Variants in CLUAP1 observed in about 807,000 individuals in gnomAD.
CLUAP1 encodes intraflagellar transport 38, also known as clusterin-associated protein 1.
A neutral mutation model predicts 55.0 loss-of-function variants in CLUAP1; 50 were observed. The observed-to-expected ratio is 0.91, with a 90% CI of 0.72 to 1.15. CLUAP1 has a LOEUF of 1.15. CLUAP1 is among the 50% of genes most tolerant of loss of function. The pLI is 0.00. For missense variants in CLUAP1, 530 were observed against 507.6 expected (o/e 1.04, Z -0.42); for synonymous variants, 195 against 175.4 (o/e 1.11, Z -0.88).
At chr16:3,524,955 C>G (rs11649157) in intron 8 of CLUAP1, among the ~76,000 whole-genome samples, 1 of 152,220 alleles carries the variant, frequency 6.6e-6, no homozygotes, top group African/African-American at 2.4e-5. Flanking sequence ...GTCTCCCTTT[C>G]TCATGCCCTT....
intron 1 of CLUAP1, 38 bp from the exon 2 acceptor site, chr16:3,504,682 G>C (rs1427412187): frequency 8.8e-7 from 1 of 1,136,198 alleles, no homozygotes; most frequent in African/African-American, 1.5e-5. Flanking sequence ...GTTGCTGTGT[G>C]ATGGGGAACT....
chr16:3,531,939 G>C (rs959672790), intron 10 of CLUAP1, among the ~76,000 whole-genome samples: 2 of 151,934 alleles, frequency 1.3e-5, no homozygotes, highest in Non-Finnish European at 2.9e-5. Context: ...CTGCTTCCCG[G>C]AGGGAGCAAT....
At chr16:3,532,223 CCT>C (rs1399956494) in intron 10 of CLUAP1, among the ~76,000 whole-genome samples, 1 of 152,094 alleles carries the variant, frequency 6.6e-6, no homozygotes. Flanking sequence ...TGATATTTCC[CCT>C]CTTTTCCTTG....
At position 3,508,425 on chromosome 16, in the gene CLUAP1, T is replaced by G. The variant is rs200792429; in HGVS notation, c.356T>G (p.Val119Gly). Reference protein sequence around the residue: ...KTKGMEGSEIVEEDVNKFKFD... With the variant: ...KTKGMEGSEIGEEDVNKFKFD... ...AAGGGGATGGAGGGCTCTGAAATAG[T>G]AGAGGAAGATGTCAACAAGTTCAAG... Residue 119 changes from valine to glycine, a missense_variant, in exon 4 of 12, where the codon GTA becomes GGA. Transcript: ENST00000576634. 9.3e-5 allele frequency: 148 copies of G among 1,588,036 alleles called. No homozygotes were observed. In the East Asian group the frequency reaches 3.3e-3, roughly 36 times the overall value.
Position 3,537,394 on chromosome 16 carries a change from AGT to A in CLUAP1, c.*1125_*1126del, listed in dbSNP as rs897592137. ...TTAATATGAAAAGTACTTAGCTGGGAGTGGTGGCAAGCGCCCTTGGGTCCAGC... is the reference window on the plus strand; with the variant it reads ...TTAATATGAAAAGTACTTAGCTGGGAGGTGGCAAGCGCCCTTGGGTCCAGC... On this transcript the variant is annotated 3_prime_UTR_variant, in exon 12 of 12. Transcript: ENST00000576634. 3.3e-5 allele frequency: 5 copies of A among 150,856 alleles called. No homozygotes were observed. Among genetic ancestry groups the A allele is most frequent in the Non-Finnish European group, 5.9e-5 (4 of 67,792 alleles). The allele number at this position is 150,856 out of a possible 1,614,324, so 9.3% of individuals were successfully genotyped here.
At chr16:3,512,840 C>T (rs2037657299) in intron 5 of CLUAP1, among the ~76,000 whole-genome samples, 1 of 152,062 alleles carries the variant, frequency 6.6e-6, no homozygotes, top group Non-Finnish European at 1.5e-5. Flanking sequence ...GCCACCACAC[C>T]CGGCTAATTT....
intron 4 of CLUAP1, among the ~76,000 whole-genome samples, chr16:3,512,146 A>G (rs1178868010): frequency 6.7e-6 from 1 of 148,684 alleles, no homozygotes; most frequent in African/African-American, 2.5e-5. Context: ...AGATCGCGCT[A>G]TCACACTCCA....
intron 6 of CLUAP1, among the ~76,000 whole-genome samples, chr16:3,518,413 A>G (rs1264223735): frequency 6.6e-6 from 1 of 152,202 alleles, no homozygotes; most frequent in African/African-American, 2.4e-5. Flanking sequence ...CATTCTAAAA[A>G]CAACCAAAAC....
At chr16:3,526,816 C>T (rs900381797) in intron 9 of CLUAP1, among the ~76,000 whole-genome samples, 3 of 151,982 alleles carry the variant, frequency 2.0e-5, no homozygotes, top group Non-Finnish European at 2.9e-5. Flanking sequence ...AGTGTTTTCC[C>T]CTGTTTAAAT....
intron 3 of CLUAP1, 71 bp downstream of exon 3, chr16:3,506,486 A>G (rs987632322): frequency 2.6e-6 from 3 of 1,150,882 alleles, no homozygotes; most frequent in Non-Finnish European, 3.9e-6. Flanking sequence ...TGTTAGGGCG[A>G]CTTTCAAACT....
chr16:3,501,759 AAAC>A (rs2037407122), intron 1 of CLUAP1, among the ~76,000 whole-genome samples: 1 of 152,152 alleles, frequency 6.6e-6, no homozygotes, highest in Non-Finnish European at 1.5e-5. Flanking sequence ...AACAAGAGCG[AAAC>A]AACATCTCAA....
intron 11 of CLUAP1, chr16:3,535,857 C>G: frequency 2.2e-6 from 1 of 461,592 alleles, no homozygotes; most frequent in East Asian, 3.9e-5. Flanking sequence ...CAGAGTGCTT[C>G]TTAGACGCTG....
chr16:3,529,467 A>AT (rs1233018689), intron 9 of CLUAP1, among the ~76,000 whole-genome samples: 50 of 80,902 alleles, frequency 6.2e-4, no homozygotes, highest in African/African-American at 2.4e-3. Flanking sequence ...TATATAATAT[A>AT]TATTATATTA....
chr16:3,502,499 AG>A, intron 1 of CLUAP1, among the ~76,000 whole-genome samples: 1 of 150,654 alleles, frequency 6.6e-6, no homozygotes, highest in Admixed American at 6.6e-5. Context: ...GTGTGATCCG[AG>A]GGGTCTCTTA....
chr16:3,506,413 A>G lies in CLUAP1; in HGVS notation c.217A>G (p.Met73Val), dbSNP rs774247863. Reference sequence around the variant, plus strand: ...CTTCATTAAGGCAATTGCCCAGTTCATGGTTAGTGGACACTTATTTTGTGG... The same window carrying G: ...CTTCATTAAGGCAATTGCCCAGTTCGTGGTTAGTGGACACTTATTTTGTGG... ...VFFIKAIAQF[M>V]ATKAHIKLNT... is the part of the protein sequence containing the mutation. Residue 73 changes from methionine to valine, a missense_variant and splice_region_variant, in exon 3 of 12, where the codon ATG becomes GTG. Transcript: ENST00000576634. The G allele has an allele frequency of 1.9e-6, 3 of 1,610,584 alleles. No homozygotes were observed. The highest frequency in any genetic ancestry group is 2.2e-5 in the East Asian group (1 of 44,864).
intron 4 of CLUAP1, among the ~76,000 whole-genome samples, chr16:3,510,879 T>G (rs902139792): frequency 6.6e-6 from 1 of 152,194 alleles, no homozygotes; most frequent in Admixed American, 6.5e-5. Flanking sequence ...GTGGAGATGG[T>G]GCACAGGTAG....
chr16:3,522,579 A>G (rs77121511), intron 7 of CLUAP1, among the ~76,000 whole-genome samples: 7,950 of 151,880 alleles, frequency 0.052, 420 homozygotes, highest in South Asian at 0.13. Flanking sequence ...TGTGTCACCC[A>G]GGCTGGAGGG....
intron 6 of CLUAP1, among the ~76,000 whole-genome samples, chr16:3,517,360 G>A (rs189786884): frequency 1.3e-5 from 2 of 152,178 alleles, no homozygotes; most frequent in African/African-American, 4.8e-5. Context: ...AGGCTGAAGT[G>A]CAGTAGCGCC....
At chr16:3,496,988 G>A (rs1157569937), upstream of CLUAP1, among the ~76,000 whole-genome samples, 2 of 150,574 alleles carry the variant, frequency 1.3e-5, no homozygotes, top group East Asian at 3.9e-4. Flanking sequence ...CTCCTGCCTC[G>A]GCCTCCCCAG....
Sources: gnomAD v4.1 joint callset for allele counts (sites outside exome capture counted in the v4.1 genomes callset) on GRCh38, gnomAD v4.1.1 for gene constraint, MANE v1.5 for transcripts, NCBI Gene and HGNC (gene_info 2026-07-23, HGNC 2026-07-21) for gene names.